The following FBXO47 variants were observed in gnomAD, a reference collection of about 807,000 sequenced individuals.
The protein encoded by FBXO47 is F-box only protein 47.
Under a neutral mutation model 53.9 loss-of-function variants are expected in FBXO47, and 34 were observed. The ratio of observed to expected loss-of-function variants is 0.63; its 90% confidence interval spans 0.48 to 0.84. FBXO47 has a LOEUF of 0.84. FBXO47 is among the 40% of genes least tolerant of loss of function. The pLI is 0.00. For synonymous variants in FBXO47, 165 were observed against 181.6 expected (o/e 0.91, Z 0.73); for missense variants, 485 against 541.3 (o/e 0.90, Z 1.03).
intron 4 of FBXO47, among the ~76,000 whole-genome samples, chr17:38,955,697 C>T (rs891994125): frequency 4.6e-5 from 7 of 151,044 alleles, no homozygotes; most frequent in Non-Finnish European, 1.0e-4. Context: ...CGGGGTTTCA[C>T]GCCTGTAATC....
At chr17:38,938,948 A>G (rs1315600808) in intron 9 of FBXO47, among the ~76,000 whole-genome samples, 4 of 152,166 alleles carry the variant, frequency 2.6e-5, no homozygotes, top group Non-Finnish European at 5.9e-5. Context: ...TGAAGTAAAT[A>G]CAAGCCTAAT....
At chr17:38,947,083 C>CATATATATAAATAT (rs1904976104) in intron 6 of FBXO47, among the ~76,000 whole-genome samples, 1 of 106,386 alleles carries the variant, frequency 9.4e-6, no homozygotes, top group African/African-American at 3.8e-5. Flanking sequence ...CATATATAAA[C>CATATATATAAATAT]ATATATATAA....
chr17:38,953,913 T>C (rs1905428135), intron 5 of FBXO47, among the ~76,000 whole-genome samples: 1 of 151,912 alleles, frequency 6.6e-6, no homozygotes, highest in Non-Finnish European at 1.5e-5. Context: ...TCTGGGTGAG[T>C]AGGAGTTGGT....
At chr17:38,946,183 T>C (rs1196967773) in intron 6 of FBXO47, among the ~76,000 whole-genome samples, 1 of 114,006 alleles carries the variant, frequency 8.8e-6, no homozygotes, top group Non-Finnish European at 1.6e-5. Flanking sequence ...AAAATATATA[T>C]AAATATATAA....
intron 7 of FBXO47, 112 bp downstream of exon 7, chr17:38,944,848 A>ATGTGTGTGTGTGTGTTTGTGTGTGTG: frequency 1.6e-6 from 1 of 615,522 alleles, no homozygotes; most frequent in South Asian, 2.2e-5. Flanking sequence ...GCGTGCATGC[A>ATGTGTGTGTGTGTGTTTGTGTGTGTG]TGTGTGTGTG....
At chr17:38,942,725 A>C in intron 9 of FBXO47, 53 bp downstream of exon 9, 1 of 1,465,032 alleles carries the variant, frequency 6.8e-7, no homozygotes, top group Non-Finnish European at 9.3e-7. Flanking sequence ...AGCTCCCTGT[A>C]GGTCAATTGT....
Position 38,938,730 on chromosome 17 carries a change from C to G in FBXO47, c.1086G>C (p.Val362=), listed in dbSNP as rs756202363. 6 of 1,582,788 alleles carry G rather than the reference C, an allele frequency of 3.8e-6. No homozygotes were observed. In the African/African-American group the frequency reaches 5.4e-5, roughly 14 times the overall value. The part of the protein sequence containing the change: ...LARLVVFLAL[V]CEKELYCMDW... ...CCATGCAGTACAGTTCTTTCTCACACACCTGATTTAGACATATAAAGCGCT... is the reference window on the plus strand; with the variant it reads ...CCATGCAGTACAGTTCTTTCTCACAGACCTGATTTAGACATATAAAGCGCT... Residue 362 remains valine, a splice_region_variant and synonymous_variant, in exon 10 of 11, where the codon GTG becomes GTC. Coordinates refer to ENST00000378079, the MANE Select transcript of FBXO47 (RefSeq NM_001008777.3).
At chr17:38,960,571 T>G (rs1905771231) in intron 3 of FBXO47, among the ~76,000 whole-genome samples, 1 of 151,974 alleles carries the variant, frequency 6.6e-6, no homozygotes, top group South Asian at 2.1e-4. Flanking sequence ...TAAGCTCCAC[T>G]GTGTTACCCA....
chr17:38,966,002 A>C (rs1340665027), intron 1 of FBXO47, among the ~76,000 whole-genome samples: 1 of 152,146 alleles, frequency 6.6e-6, no homozygotes, highest in African/African-American at 2.4e-5. Context: ...TTTTACATAC[A>C]TATATTTCTT....
chr17:38,945,507 G>T (rs1305981877), intron 6 of FBXO47, among the ~76,000 whole-genome samples: 2 of 152,014 alleles, frequency 1.3e-5, no homozygotes, highest in Non-Finnish European at 2.9e-5. Context: ...TTTCCTCTAT[G>T]AAAGTTTTAT....
At chr17:38,946,409 G>GA (rs1904846540) in intron 6 of FBXO47, among the ~76,000 whole-genome samples, 1 of 52,028 alleles carries the variant, frequency 1.9e-5, no homozygotes, top group Non-Finnish European at 3.0e-5. Context: ...TAAATATATA[G>GA]ATATATATAT....
chr17:38,943,046 A>G, intron 8 of FBXO47, 126 bp from the exon 9 acceptor site: 2 of 875,950 alleles, frequency 2.3e-6, no homozygotes, highest in Non-Finnish European at 3.4e-6. Context: ...AATGCTCAGA[A>G]AAAAATGCTC....
At position 38,961,966 on chromosome 17, in the gene FBXO47, C is replaced by A; in HGVS notation, c.263G>T (p.Ser88Ile). The A allele has an allele frequency of 6.2e-7, 1 of 1,614,044 alleles. No individual in the cohort carries two copies. The highest frequency in any genetic ancestry group is 8.5e-7 in the Non-Finnish European group (1 of 1,179,966). The stretch of plus-strand genomic sequence containing the variant: ...AAAGTCCTGTAGTAAAAGTCTTTTG[C>A]TTCCTGATGAGGTTGAGATATAATT... ...IINYISTSSG[S>I]KRLLLQDFHN... The change falls in exon 3 of 11, where the codon AGC (serine) becomes ATC (isoleucine). Residue 88 changes from serine to isoleucine, a missense_variant. By Grantham distance (142) the Ser-to-Ile change is moderately radical. Transcript: ENST00000378079.
chr17:38,959,159 AAAAC>A (rs1460864651), intron 3 of FBXO47, among the ~76,000 whole-genome samples: 1 of 152,130 alleles, frequency 6.6e-6, no homozygotes, highest in Non-Finnish European at 1.5e-5. Context: ...TTAAAAAAAA[AAAAC>A]AACCACAGGT....
At chr17:38,937,356 A>T in intron 10 of FBXO47, 66 bp from the exon 11 acceptor site, 1 of 545,156 alleles carries the variant, frequency 1.8e-6, no homozygotes, top group Non-Finnish European at 3.0e-6. Flanking sequence ...AATTTATTTT[A>T]TTAATTAATT....
chr17:38,951,405 G>C (rs1905274419), intron 6 of FBXO47, among the ~76,000 whole-genome samples, 176 bp downstream of exon 6: 1 of 151,842 alleles, frequency 6.6e-6, no homozygotes. Context: ...TGTTGCCTAG[G>C]CTGCTCTTGA....
chr17:38,942,718 T>A, intron 9 of FBXO47, 60 bp downstream of exon 9: 1 of 1,374,412 alleles, frequency 7.3e-7, no homozygotes, highest in South Asian at 1.3e-5. Flanking sequence ...TCAGGGCAGC[T>A]CCCTGTAGGT....
At chr17:38,941,571 A>T (rs1904504476) in intron 9 of FBXO47, among the ~76,000 whole-genome samples, 1 of 148,942 alleles carries the variant, frequency 6.7e-6, no homozygotes, top group Non-Finnish European at 1.5e-5. Flanking sequence ...GGCCCATAGT[A>T]AGCACTCAAT....
At chr17:38,953,892 G>A (rs1905427270) in intron 5 of FBXO47, among the ~76,000 whole-genome samples, 1 of 152,180 alleles carries the variant, frequency 6.6e-6, no homozygotes, top group South Asian at 2.1e-4. Context: ...GGAGGGCTTA[G>A]ACCCCTGGAA....
Sources: gnomAD v4.1 joint callset for allele counts (sites outside exome capture counted in the v4.1 genomes callset) on GRCh38, gnomAD v4.1.1 for gene constraint, MANE v1.5 for transcripts, NCBI Gene and HGNC (gene_info 2026-07-23, HGNC 2026-07-21) for gene names.